Variants in FANCC observed in about 807,000 individuals in gnomAD.
FANCC encodes Fanconi anemia group C protein.
In FANCC, 55 loss-of-function variants were observed where a neutral mutation model predicts 71.3. The observed-to-expected ratio is 0.77, with a 90% CI of 0.62 to 0.97. The LOEUF (loss-of-function observed/expected upper bound fraction) is 0.97. Ranked by LOEUF, FANCC falls within the 50% of genes least tolerant of loss-of-function variation. The pLI, the probability that FANCC is intolerant of heterozygous loss-of-function variation, is 0.00. For missense variants in FANCC, 678 were observed against 670.9 expected (o/e 1.01, Z -0.12); for synonymous variants, 275 against 244.9 (o/e 1.12, Z -1.15).
At chr9:95,291,731 T>C (rs1310685127) in intron 1 of FANCC, among the ~76,000 whole-genome samples, 2 of 151,812 alleles carry the variant, frequency 1.3e-5, no homozygotes, top group Admixed American at 6.6e-5. Context: ...GTGGATCACC[T>C]GAGGTCAGGA....
At chr9:95,292,611 A>C (rs1312864948) in intron 1 of FANCC, 3 of 1,459,218 alleles carry the variant, frequency 2.1e-6, no homozygotes, top group Non-Finnish European at 2.9e-6. Flanking sequence ...CGGCTGCCGC[A>C]AGATCCTGCC....
At chr9:95,226,376 G>A (rs1287770544) in intron 4 of FANCC, among the ~76,000 whole-genome samples, 1 of 152,214 alleles carries the variant, frequency 6.6e-6, no homozygotes, top group Non-Finnish European at 1.5e-5. Context: ...CAACTTTATT[G>A]TAGTCCCTGA....
At position 95,099,122 on chromosome 9, in the gene FANCC, A is replaced by C. The variant is rs968487532; in HGVS notation, c.*2585T>G. Reference sequence around the variant, plus strand: ...ACAAATTACAGATTTTAAAGAGCTAAAAAATTCCACAGATGTCACGGAGTC... The same window carrying C: ...ACAAATTACAGATTTTAAAGAGCTACAAAATTCCACAGATGTCACGGAGTC... On this transcript the variant is annotated 3_prime_UTR_variant, in exon 15 of 15. Coordinates refer to ENST00000289081, the MANE Select transcript of FANCC (RefSeq NM_000136.3). The C allele has an allele frequency of 2.9e-5, 6 of 208,736 alleles. No homozygotes were observed. 12.9% of individuals were successfully genotyped at this position (208,736 alleles called of 1,614,324 possible).
Position 95,292,852 on chromosome 9 carries a change from C to T in FANCC, c.-79+24674G>A, listed in dbSNP as rs115543943. On this transcript the variant is annotated intron_variant, in intron 1 of 14. Transcript: ENST00000289081. Reference sequence around the variant, plus strand: ...CACAAATGTAGCAAGTGCAGCAATTCGTACGGTACAGAATGGGACCTGAAA... The same window carrying T: ...CACAAATGTAGCAAGTGCAGCAATTTGTACGGTACAGAATGGGACCTGAAA... The T allele has an allele frequency of 1.3e-3, 2,038 of 1,585,680 alleles. 27 individuals carry two copies. The African/African-American group carries it at 0.024, about 19-fold the overall frequency.
Position 95,288,371 on chromosome 9 carries a change from A to G in FANCC, c.-79+29155T>C, listed in dbSNP as rs149604494. On this transcript the variant is annotated intron_variant, in intron 1 of 14. Coordinates refer to ENST00000289081, the MANE Select transcript of FANCC (RefSeq NM_000136.3). Reference sequence around the variant, plus strand: ...TGTTACAGCAGATCTTAAGAGTTATATATGTCAAGGGATTTTCTTTACCTG... The same window carrying G: ...TGTTACAGCAGATCTTAAGAGTTATGTATGTCAAGGGATTTTCTTTACCTG... Among the ~76,000 whole-genome samples the G allele has an allele frequency of 9.5e-4, 145 of 152,236 alleles. 1 individual carries two copies. Among genetic ancestry groups the G allele is most frequent in the East Asian group, 6.7e-3 (35 of 5,186 alleles).
chr9:95,126,069 G>T (rs1307886363), intron 9 of FANCC, among the ~76,000 whole-genome samples: 1 of 152,214 alleles, frequency 6.6e-6, no homozygotes, highest in Admixed American at 6.5e-5. Flanking sequence ...GTAATGTGTT[G>T]TAAGAGAACA....
At position 95,247,476 on chromosome 9, in the gene FANCC, T is replaced by C; in HGVS notation, c.206A>G (p.Gln69Arg). The C allele has an allele frequency of 6.2e-7, 1 of 1,613,910 alleles. No homozygotes were observed. The highest frequency in any genetic ancestry group is 8.5e-7 in the Non-Finnish European group (1 of 1,179,880). The change falls in exon 3 of 15, where the codon CAA becomes CGA. Residue 69 changes from glutamine (Q) to arginine (R), a missense_variant. Gln to Arg is a conservative substitution (Grantham distance 43). Coordinates refer to ENST00000289081, the MANE Select transcript of FANCC (RefSeq NM_000136.3). ...TVIERFPTIG[Q>R]LLAKACWNPF... ...ATTCCAACAAGCTTTTGCCAACAGT[T>C]GACCAATTGTGGGGAATCTTTCAAT...
At chr9:95,120,898 C>T (rs1050634014) in intron 10 of FANCC, among the ~76,000 whole-genome samples, 1 of 152,108 alleles carries the variant, frequency 6.6e-6, no homozygotes, top group Non-Finnish European at 1.5e-5. Context: ...TGGCAGCTTA[C>T]ACTTCTATTT....
intron 1 of FANCC, among the ~76,000 whole-genome samples, chr9:95,266,678 A>G (rs1344883854): frequency 6.6e-6 from 1 of 152,166 alleles, no homozygotes; most frequent in Non-Finnish European, 1.5e-5. Flanking sequence ...AAAATGAAAA[A>G]TAGAAGGTGA....
intron 4 of FANCC, among the ~76,000 whole-genome samples, chr9:95,210,519 TAC>T (rs1828428841): frequency 6.6e-6 from 1 of 152,102 alleles, no homozygotes; most frequent in Admixed American, 6.5e-5. Context: ...CTAAAAGCTT[TAC>T]ACACACACAT....
At chr9:95,175,322 C>T (rs1825946700) in intron 4 of FANCC, among the ~76,000 whole-genome samples, 1 of 152,090 alleles carries the variant, frequency 6.6e-6, no homozygotes, top group South Asian at 2.1e-4. Flanking sequence ...CAAAAAACCC[C>T]CAGTAATATG....
At position 95,141,985 on chromosome 9, in the gene FANCC, G is replaced by GTTTTT. The variant is rs1163083695; in HGVS notation, c.687-6488_687-6484dup. Among the ~76,000 whole-genome samples the GTTTTT allele has an allele frequency of 2.4e-3, 201 of 83,122 alleles. 4 individuals carry two copies. Among genetic ancestry groups the GTTTTT allele is most frequent in the African/African-American group, 5.1e-3 (106 of 20,878 alleles). 54.5% of individuals were successfully genotyped at this position (83,122 alleles called of 152,430 possible). On this transcript the variant is annotated intron_variant, in intron 7 of 14. Coordinates refer to ENST00000289081, the MANE Select transcript of FANCC (RefSeq NM_000136.3). ...TAGTAATATGTTAACAGTTTGTGGG[G>GTTTTT]TTTTTTTTTTTTTTTTTTTTTTTTG...
At chr9:95,170,564 T>C (rs917977248) in intron 6 of FANCC, among the ~76,000 whole-genome samples, 3 of 152,050 alleles carry the variant, frequency 2.0e-5, no homozygotes, top group South Asian at 4.1e-4. Flanking sequence ...TTGATTTGTT[T>C]AGTCTAGATT....
At chr9:95,244,234 C>A (rs959163527) in intron 3 of FANCC, among the ~76,000 whole-genome samples, 2 of 152,214 alleles carry the variant, frequency 1.3e-5, no homozygotes, top group African/African-American at 4.8e-5. Context: ...TCCTGAGAAA[C>A]CCTCCTTCCT....
chr9:95,298,433 G>T (rs1834525897), intron 1 of FANCC, among the ~76,000 whole-genome samples: 1 of 152,174 alleles, frequency 6.6e-6, no homozygotes, highest in Non-Finnish European at 1.5e-5. Flanking sequence ...ATGTGAGGAA[G>T]AGGTTAGGAA....
At chr9:95,203,586 A>C (rs992941294) in intron 4 of FANCC, among the ~76,000 whole-genome samples, 1 of 152,108 alleles carries the variant, frequency 6.6e-6, no homozygotes, top group African/African-American at 2.4e-5. Context: ...ATCCCAAAGC[A>C]CTTTTTATTT....
chr9:95,187,650 A>C (rs1826811967), intron 4 of FANCC, among the ~76,000 whole-genome samples: 1 of 151,916 alleles, frequency 6.6e-6, no homozygotes, highest in African/African-American at 2.4e-5. Flanking sequence ...CTGCACTGTA[A>C]AGTCTGGGGC....
At chr9:95,219,844 C>CA (rs1295345884) in intron 4 of FANCC, among the ~76,000 whole-genome samples, 1 of 152,126 alleles carries the variant, frequency 6.6e-6, no homozygotes, top group African/African-American at 2.4e-5. Context: ...GCAATGGCAA[C>CA]AAAAGCCAAA....
chr9:95,307,598 A>G (rs1340228602), intron 1 of FANCC, among the ~76,000 whole-genome samples: 1 of 152,260 alleles, frequency 6.6e-6, no homozygotes, highest in Non-Finnish European at 1.5e-5. Context: ...AATTATTCAA[A>G]ACTTAAATTA....
Sources: allele counts gnomAD v4.1 joint callset (sites outside exome capture counted in the v4.1 genomes callset), GRCh38; gene constraint gnomAD v4.1.1; transcripts MANE v1.5; gene names NCBI Gene and HGNC (gene_info 2026-07-23, HGNC 2026-07-21).